The following USP43 variants were observed in gnomAD, a reference collection of about 807,000 sequenced individuals.
USP43 encodes the protein ubiquitin carboxyl-terminal hydrolase 43.
A neutral mutation model predicts 90.7 loss-of-function variants in USP43; 33 were observed. That is an observed-to-expected ratio of 0.36 (90% confidence interval 0.28 to 0.49). The LOEUF is 0.49. Among genes scored for constraint, USP43 ranks in the 20% least tolerant of loss-of-function variants. USP43 has a pLI of 0.98. For synonymous variants in USP43, 598 were observed against 615.8 expected (o/e 0.97, Z 0.43); for missense variants, 1,274 against 1,476.4 (o/e 0.86, Z 2.25).
intron 6 of USP43, among the ~76,000 whole-genome samples, chr17:9,681,305 GATAA>G (rs1914211330): frequency 1.1e-5 from 1 of 91,408 alleles, no homozygotes; most frequent in South Asian, 2.9e-4. Flanking sequence ...ATATAATATA[GATAA>G]ATATATATAA....
intron 6 of USP43, among the ~76,000 whole-genome samples, chr17:9,680,852 C>T (rs1449284752): frequency 6.6e-6 from 1 of 151,502 alleles, no homozygotes; most frequent in South Asian, 2.1e-4. Flanking sequence ...TATTAAATGA[C>T]TTTTTAACAA....
Position 9,728,395 on chromosome 17 carries a change from C to G in USP43, c.2777C>G (p.Pro926Arg). The G allele has an allele frequency of 6.2e-7, 1 of 1,608,486 alleles. No individual in the cohort carries two copies. The highest frequency in any genetic ancestry group is 1.1e-5 in the South Asian group (1 of 90,196). ...AATGCAGGGCAGGACATCAAGCTTC[C>G]CAGAAAGTTTGACCTGCCTCTCACT... ...KENAGQDIKL[P>R]RKFDLPLTVM... The change falls in exon 15 of 15, where the codon CCC (proline) becomes CGC (arginine). Residue 926 changes from proline (P) to arginine (R), a missense_variant. Transcript: ENST00000285199. This position sits in a 1 kb window ranked among gnomAD's most constrained non-coding sequence, Gnocchi z 6.2.
At position 9,712,113 on chromosome 17, in the gene USP43, C is replaced by T. The variant is rs1459923513; in HGVS notation, c.2316C>T (p.Ser772=). The T allele has an allele frequency of 6.3e-7, 1 of 1,595,318 alleles. No individual in the cohort carries two copies. Among genetic ancestry groups the T allele is most frequent in the East Asian group, 2.3e-5 (1 of 44,106 alleles). Reference sequence around the variant, plus strand: ...CTGACTCTCCCATCTTCACCAACAGCCTCTGCAATCAGGAAAAGGGTATGT... The same window carrying T: ...CTGACTCTCCCATCTTCACCAACAGTCTCTGCAATCAGGAAAAGGGTATGT... The part of the protein sequence containing the change: ...QVPDSPIFTN[S]LCNQEKGGLE... Residue 772 remains serine (S), a synonymous_variant, in exon 14 of 15, where the codon AGC becomes AGT. Coordinates refer to ENST00000285199, the MANE Select transcript of USP43 (RefSeq NM_153210.5).
chr17:9,646,782 G>GC (rs1448728681), intron 1 of USP43, among the ~76,000 whole-genome samples: 1 of 152,110 alleles, frequency 6.6e-6, no homozygotes, highest in East Asian at 1.9e-4. Flanking sequence ...CAACCTACAG[G>GC]CCAGGTACCG....
intron 2 of USP43, among the ~76,000 whole-genome samples, chr17:9,665,543 C>T (rs1912984281): frequency 6.6e-6 from 1 of 152,124 alleles, no homozygotes; most frequent in Admixed American, 6.5e-5. Flanking sequence ...GGAACCGCCC[C>T]CATGATCCAA....
chr17:9,669,020 A>G (rs913241594), intron 3 of USP43, among the ~76,000 whole-genome samples: 2 of 146,774 alleles, frequency 1.4e-5, no homozygotes, highest in Non-Finnish European at 1.5e-5. Flanking sequence ...TTTTTTTTTA[A>G]TTTTTAGTAG....
intron 1 of USP43, 77 bp from the exon 2 acceptor site, chr17:9,656,326 G>C: frequency 6.5e-7 from 1 of 1,533,466 alleles, no homozygotes; most frequent in Non-Finnish European, 8.8e-7. Context: ...CCACTTGGTA[G>C]ACCTGGTGCT....
At chr17:9,654,250 A>T (rs1033064776) in intron 1 of USP43, among the ~76,000 whole-genome samples, 1 of 152,198 alleles carries the variant, frequency 6.6e-6, no homozygotes, top group Non-Finnish European at 1.5e-5. Flanking sequence ...TTCTACTAAA[A>T]ACATATTCAT....
chr17:9,676,317 AC>A (rs1465795381), intron 4 of USP43, among the ~76,000 whole-genome samples: 15 of 152,188 alleles, frequency 9.9e-5, no homozygotes, highest in Non-Finnish European at 1.2e-4. Context: ...AAGTACAGGG[AC>A]ACAACCAGGA....
At chr17:9,668,819 G>T (rs923895205) in intron 3 of USP43, among the ~76,000 whole-genome samples, 3 of 151,976 alleles carry the variant, frequency 2.0e-5, no homozygotes. Flanking sequence ...CATGAAAGCC[G>T]CTTGTAGGGC....
chr17:9,706,238 T>C (rs910432036), intron 12 of USP43, among the ~76,000 whole-genome samples: 5 of 152,226 alleles, frequency 3.3e-5, no homozygotes, highest in African/African-American at 1.2e-4. Flanking sequence ...TAATGTACTA[T>C]GAGATTCACC....
chr17:9,670,039 C>CTTTTTTT lies in USP43; in HGVS notation c.740+3299_740+3305dup, dbSNP rs148536442. On this transcript the variant is annotated intron_variant, in intron 3 of 14. Coordinates refer to ENST00000285199, the MANE Select transcript of USP43 (RefSeq NM_153210.5). ...AGTTCATTAGTTTCAGAGGTGACTG[C>CTTTTTTT]TTTTTTTTTTTTTTTTTGAGACGGA... 8.1e-3 allele frequency among the ~76,000 whole-genome samples: 1,067 copies of CTTTTTTT among 131,438 alleles called. 19 individuals are homozygous for CTTTTTTT. Among genetic ancestry groups the CTTTTTTT allele is most frequent in the African/African-American group, 0.029 (1,022 of 35,020 alleles). The allele number at this position is 131,438 out of a possible 152,430, so 86.2% of individuals were successfully genotyped here.
chr17:9,666,642 T>G lies in USP43; in HGVS notation c.637-6T>G. On this transcript the variant is annotated splice_polypyrimidine_tract_variant and splice_region_variant and intron_variant, in intron 2 of 14. Transcript: ENST00000285199. ...AATCTGGCTTCCTTTCCTCATTTCT[T>G]TGCAGCTTCCGCCTGAAGCCACTAA... 6.2e-7 allele frequency: 1 copy of G among 1,610,178 alleles called. No individual in the cohort carries two copies. The highest frequency in any genetic ancestry group is 8.5e-7 in the Non-Finnish European group (1 of 1,178,202).
At chr17:9,685,590 T>G (rs1035475371) in intron 7 of USP43, among the ~76,000 whole-genome samples, 7 of 152,238 alleles carry the variant, frequency 4.6e-5, no homozygotes, top group Non-Finnish European at 1.0e-4. Context: ...TCACTGGGCC[T>G]CTGCTTACAT....
chr17:9,686,962 CGTGTGTGTGG>C lies in USP43; in HGVS notation c.1353+62_1353+71del. 1 of 1,523,772 alleles carries C rather than the reference CGTGTGTGTGG, an allele frequency of 6.6e-7. No homozygotes were observed. Among genetic ancestry groups the C allele is most frequent in the Non-Finnish European group, 9.0e-7 (1 of 1,110,262 alleles). 94.4% of individuals were successfully genotyped at this position (1,523,772 alleles called of 1,614,324 possible). A position where few individuals can be genotyped will look rare whatever the true frequency, so the allele number is the denominator to read the frequency against. On this transcript the variant is annotated intron_variant, in intron 8 of 14. Transcript: ENST00000285199. This position sits in a 1 kb window ranked among gnomAD's most constrained non-coding sequence, Gnocchi z 5.5. Reference sequence around the variant, plus strand: ...GTGTGCGTGCATGCGCATGTGCATGCGTGTGTGTGGGTGTGTGTATTGGGAGGGGTGGAAT... The same window carrying C: ...GTGTGCGTGCATGCGCATGTGCATGCGTGTGTGTATTGGGAGGGGTGGAAT...
At chr17:9,717,801 A>G (rs1448290190) in intron 14 of USP43, among the ~76,000 whole-genome samples, 5 of 142,530 alleles carry the variant, frequency 3.5e-5, no homozygotes, top group African/African-American at 1.3e-4. Flanking sequence ...TATAGCTCAC[A>G]TTTTTTTTTT....
At chr17:9,681,577 T>C (rs1010849490) in intron 6 of USP43, among the ~76,000 whole-genome samples, 1 of 143,386 alleles carries the variant, frequency 7.0e-6, no homozygotes, top group African/African-American at 2.5e-5. Context: ...CACTGCAACC[T>C]CCACCTCCTG....
At chr17:9,690,688 C>G (rs1039063200) in intron 8 of USP43, among the ~76,000 whole-genome samples, 3 of 152,102 alleles carry the variant, frequency 2.0e-5, no homozygotes, top group Non-Finnish European at 4.4e-5. Context: ...AGCTCAAGAC[C>G]AACCTGGCCA....
Position 9,711,964 on chromosome 17 carries a change from A to G in USP43, c.2171-4A>G, listed in dbSNP as rs2151995225. On this transcript the variant is annotated splice_polypyrimidine_tract_variant and splice_region_variant and intron_variant, in intron 13 of 14. Transcript: ENST00000285199. The stretch of plus-strand genomic sequence containing the variant: ...CAGCCTCCCTCTCTGTGTTTCCTCC[A>G]CAGGCTCTACCAGCTCCTCCCTGTC... 6.3e-7 allele frequency: 1 copy of G among 1,595,986 alleles called. No homozygotes were observed. Among genetic ancestry groups the G allele is most frequent in the Non-Finnish European group, 8.5e-7 (1 of 1,170,932 alleles).
Sources: gnomAD v4.1 joint callset for allele counts (sites outside exome capture counted in the v4.1 genomes callset) on GRCh38, gnomAD v4.1.1 for gene constraint, Gnocchi (gnomAD v3.1) non-coding constraint, MANE v1.5 for transcripts, NCBI Gene and HGNC (gene_info 2026-07-23, HGNC 2026-07-21) for gene names.